RHBDD1: variants seen among roughly 807,000 people sequenced by gnomAD.
RHBDD1 encodes rhomboid domain containing 1.
A neutral mutation model predicts 36.3 loss-of-function variants in RHBDD1; 38 were observed. That is an observed-to-expected ratio of 1.05 (90% CI 0.81 to 1.37). The LOEUF (loss-of-function observed/expected upper bound fraction) is 1.37, where lower values mean the gene tolerates loss of function less well. Among genes scored for constraint, RHBDD1 ranks in the 40% most tolerant of loss-of-function variants. RHBDD1 has a pLI of 0.00. For synonymous variants in RHBDD1, 151 were observed against 136.5 expected (o/e 1.11, Z -0.74); for missense variants, 393 against 377.6 (o/e 1.04, Z -0.34).
chr2:226,897,575 G>A (rs1044351857), intron 5 of RHBDD1, among the ~76,000 whole-genome samples: 2 of 152,188 alleles, frequency 1.3e-5, no homozygotes, highest in African/African-American at 4.8e-5. Flanking sequence ...GAAGGCCTCA[G>A]GCTACTTCCA....
chr2:226,943,127 C>CCA (rs1950769360), intron 8 of RHBDD1, among the ~76,000 whole-genome samples: 1 of 152,106 alleles, frequency 6.6e-6, no homozygotes, highest in South Asian at 2.1e-4. Flanking sequence ...TGGCAGTTCT[C>CCA]CAGTGATTCA....
intron 3 of RHBDD1, among the ~76,000 whole-genome samples, chr2:226,860,652 A>G (rs756965384): frequency 2.0e-5 from 3 of 152,092 alleles, no homozygotes; most frequent in Non-Finnish European, 4.4e-5. Context: ...TTGGTAACTG[A>G]TTAGGAAGGA....
At chr2:226,846,434 G>T (rs1258290048) in intron 3 of RHBDD1, among the ~76,000 whole-genome samples, 1 of 152,144 alleles carries the variant, frequency 6.6e-6, no homozygotes, top group African/African-American at 2.4e-5. Context: ...TCCAGCTTTT[G>T]TAGGTTTGAT....
chr2:226,906,616 T>G, intron 5 of RHBDD1, 177 bp from the exon 6 acceptor site: 1 of 1,376,308 alleles, frequency 7.3e-7, no homozygotes, highest in Non-Finnish European at 9.7e-7. Flanking sequence ...GTACTTTTTT[T>G]TAAGGTAGGA....
rs1574859088 is a variant in RHBDD1 at position 226,864,678 on chromosome 2, T to G, written c.-16T>G. 5 of 1,606,876 alleles carry G rather than the reference T, an allele frequency of 3.1e-6. No individual in the cohort carries two copies. The South Asian group carries it at 3.3e-5, about 11-fold the overall frequency. Reference sequence around the variant, plus strand: ...TACGTTTTCCCATTGCTGAGCTGTTTCCCTGATATCTGGCCATGCAACGGA... The same window carrying G: ...TACGTTTTCCCATTGCTGAGCTGTTGCCCTGATATCTGGCCATGCAACGGA... On this transcript the variant is annotated 5_prime_UTR_variant, in exon 4 of 9. Coordinates refer to ENST00000392062, the MANE Select transcript of RHBDD1 (RefSeq NM_001167608.3).
chr2:226,886,722 C>T (rs1212228508), intron 5 of RHBDD1, among the ~76,000 whole-genome samples: 1 of 152,094 alleles, frequency 6.6e-6, no homozygotes, highest in Non-Finnish European at 1.5e-5. Context: ...AGAACTAACT[C>T]CCTAATTAAG....
At chr2:226,941,666 G>T (rs1286186036) in intron 8 of RHBDD1, among the ~76,000 whole-genome samples, 1 of 152,088 alleles carries the variant, frequency 6.6e-6, no homozygotes, top group Non-Finnish European at 1.5e-5. Flanking sequence ...CATTTGTTTT[G>T]ATTTTGAAAG....
At chr2:226,861,249 G>T (rs1943826497) in intron 3 of RHBDD1, among the ~76,000 whole-genome samples, 1 of 152,146 alleles carries the variant, frequency 6.6e-6, no homozygotes, top group African/African-American at 2.4e-5. Flanking sequence ...GCAGGAGAGA[G>T]TAGGGATAGA....
chr2:226,923,823 C>T (rs1439669962), intron 8 of RHBDD1, among the ~76,000 whole-genome samples: 1 of 152,004 alleles, frequency 6.6e-6, no homozygotes, highest in East Asian at 1.9e-4. Flanking sequence ...TTTTCAACTC[C>T]AGAATTTCTT....
intron 7 of RHBDD1, among the ~76,000 whole-genome samples, chr2:226,910,249 T>C (rs1948426120): frequency 1.3e-5 from 2 of 152,202 alleles, no homozygotes. Context: ...AGAAGCACAG[T>C]CACACAGACC....
chr2:226,932,867 T>G (rs751849472), intron 8 of RHBDD1, among the ~76,000 whole-genome samples: 1 of 152,000 alleles, frequency 6.6e-6, no homozygotes, highest in African/African-American at 2.4e-5. Flanking sequence ...CCAAGGGAAA[T>G]GGTGGTTCTG....
At chr2:226,826,943 A>C in the RHBDD1 span, among the ~76,000 whole-genome samples, 1 of 152,152 alleles carries the variant, frequency 6.6e-6, no homozygotes, top group Non-Finnish European at 1.5e-5. Context: ...AGACATGTTA[A>C]TAGATTACAT....
the RHBDD1 span, among the ~76,000 whole-genome samples, chr2:226,818,229 A>G: frequency 7.3e-6 from 1 of 136,712 alleles, no homozygotes; most frequent in Admixed American, 8.5e-5. Context: ...GCGCGGTCTC[A>G]GCTCACTGCA....
At chr2:226,909,565 G>T (rs867232903) in intron 7 of RHBDD1, among the ~76,000 whole-genome samples, 7 of 152,088 alleles carry the variant, frequency 4.6e-5, no homozygotes, top group African/African-American at 1.7e-4. Flanking sequence ...AACCCCTAAT[G>T]TGATGATTTT....
At chr2:226,871,790 A>T (rs986317517) in intron 5 of RHBDD1, among the ~76,000 whole-genome samples, 2 of 152,174 alleles carry the variant, frequency 1.3e-5, no homozygotes, top group East Asian at 1.9e-4. Context: ...CTCCATAGGG[A>T]TGATACATGT....
chr2:226,890,681 C>G (rs1479181353), intron 5 of RHBDD1, among the ~76,000 whole-genome samples: 7 of 152,118 alleles, frequency 4.6e-5, no homozygotes, highest in Non-Finnish European at 7.4e-5. Flanking sequence ...CAATTATGCT[C>G]TTTTAGTTAT....
chr2:226,910,865 G>T (rs1300467047), intron 7 of RHBDD1, among the ~76,000 whole-genome samples: 1 of 152,076 alleles, frequency 6.6e-6, no homozygotes, highest in Non-Finnish European at 1.5e-5. Context: ...ATACTGATGA[G>T]ATTTTGGGTC....
At chr2:226,844,542 ATTAAT>A (rs1292858899) in intron 3 of RHBDD1, among the ~76,000 whole-genome samples, 1 of 152,208 alleles carries the variant, frequency 6.6e-6, no homozygotes, top group Non-Finnish European at 1.5e-5. Context: ...TCTTACACAG[ATTAAT>A]TTAAATGAGA....
intron 8 of RHBDD1, among the ~76,000 whole-genome samples, chr2:226,940,364 T>C (rs959046582): frequency 6.6e-6 from 1 of 152,188 alleles, no homozygotes; most frequent in African/African-American, 2.4e-5. Flanking sequence ...ATCAAACATG[T>C]CTGTAACATT....
Sources: allele counts gnomAD v4.1 joint callset (sites outside exome capture counted in the v4.1 genomes callset), GRCh38; gene constraint gnomAD v4.1.1; transcripts MANE v1.5; gene names NCBI Gene and HGNC (gene_info 2026-07-23, HGNC 2026-07-21).